The following PLXNA4 variants were observed in gnomAD, a reference collection of about 807,000 sequenced individuals.
PLXNA4 encodes plexin-A4.
Under a neutral mutation model 191.8 loss-of-function variants are expected in PLXNA4, and 44 were observed. That is an observed-to-expected ratio of 0.23 (90% CI 0.18 to 0.29). The LOEUF (loss-of-function observed/expected upper bound fraction) is 0.29, where lower values mean the gene tolerates loss of function less well. Ranked by LOEUF, PLXNA4 falls within the 10% of genes least tolerant of loss-of-function variation. The pLI, the probability that PLXNA4 is intolerant of heterozygous loss-of-function variation, is 1.00. For synonymous variants in PLXNA4, 1,082 were observed against 1,009.5 expected, an observed-to-expected ratio of 1.07 and a Z score of -1.36; for missense variants, 1,800 against 2,488.8, an observed-to-expected ratio of 0.72 and a Z score of 5.89.
intron 1 of PLXNA4, among the ~76,000 whole-genome samples, chr7:132,509,795 C>T (rs1798635290): frequency 6.6e-6 from 1 of 152,166 alleles, no homozygotes; most frequent in Non-Finnish European, 1.5e-5. Context: ...TGTGCCTCCT[C>T]TGCTGGATGA....
chr7:132,616,732 C>T (rs1563195859), intron 2 of PLXNA4, among the ~76,000 whole-genome samples: 1 of 152,270 alleles, frequency 6.6e-6, no homozygotes, highest in East Asian at 1.9e-4. Context: ...TTCCTGCGCC[C>T]AGTGGATCCT....
chr7:132,474,138 C>T (rs774817158), intron 3 of PLXNA4, among the ~76,000 whole-genome samples: 2 of 151,606 alleles, frequency 1.3e-5, no homozygotes, highest in South Asian at 4.2e-4. Flanking sequence ...AATGCAAAGG[C>T]AGCATTAGCA....
chr7:132,192,469 AAAGG>A (rs1412214034), intron 14 of PLXNA4, among the ~76,000 whole-genome samples: 1 of 151,412 alleles, frequency 6.6e-6, no homozygotes, highest in Non-Finnish European at 1.5e-5. Flanking sequence ...AAAGAGGAAG[AAAGG>A]AAGGGAGGGA....
At position 132,370,067 on chromosome 7, in the gene PLXNA4, C is replaced by CA. The variant is rs368638967; in HGVS notation, c.1372-71846dup. The stretch of plus-strand genomic sequence containing the variant: ...TGAGCGACAGAGTGAGACTCTGACT[C>CA]AAAAAAAAAAAAAAAAAAGGTATGC... On this transcript the variant is annotated intron_variant, in intron 3 of 31. Coordinates refer to ENST00000321063, the MANE Select transcript of PLXNA4 (RefSeq NM_020911.2). Among the ~76,000 whole-genome samples the CA allele has an allele frequency of 0.022, 2,387 of 110,952 alleles. 137 individuals carry two copies. The East Asian group carries it at 0.23, about 11-fold the overall frequency. 72.8% of individuals were successfully genotyped at this position (110,952 alleles called of 152,430 possible). A position where few individuals can be genotyped will look rare whatever the true frequency, so the allele number is the denominator to read the frequency against.
intron 4 of PLXNA4, among the ~76,000 whole-genome samples, chr7:132,263,058 G>A (rs7776974): frequency 0.43 from 64,793 of 151,868 alleles, 14,434 homozygotes; most frequent in African/African-American, 0.54. Context: ...TGTTGTCTGG[G>A]CCCCTGAGCC....
chr7:132,304,795 T>TC (rs1289092409), intron 3 of PLXNA4, among the ~76,000 whole-genome samples: 1 of 120,398 alleles, frequency 8.3e-6, no homozygotes, highest in Non-Finnish European at 1.7e-5. Flanking sequence ...CGGCCCTCCC[T>TC]CCCCCCTGTC....
At chr7:132,581,768 G>A (rs941147076), upstream of PLXNA4, among the ~76,000 whole-genome samples, 1 of 152,046 alleles carries the variant, frequency 6.6e-6, no homozygotes, top group Non-Finnish European at 1.5e-5. Flanking sequence ...GATCCTCTGG[G>A]CACCAAAATA....
chr7:132,489,899 T>C (rs1342525451), intron 2 of PLXNA4, among the ~76,000 whole-genome samples: 1 of 152,196 alleles, frequency 6.6e-6, no homozygotes, highest in African/African-American at 2.4e-5. Flanking sequence ...TCCGTATCTA[T>C]ACACAAAGAG....
intron 2 of PLXNA4, among the ~76,000 whole-genome samples, chr7:132,635,647 C>G (rs904315774): frequency 6.6e-6 from 1 of 152,168 alleles, no homozygotes; most frequent in African/African-American, 2.4e-5. Flanking sequence ...TCTGACCCCA[C>G]TGCCCTGCAC....
chr7:132,177,274 A>G (rs571350427), intron 20 of PLXNA4, among the ~76,000 whole-genome samples: 6 of 152,272 alleles, frequency 3.9e-5, no homozygotes, highest in East Asian at 3.9e-4. Context: ...AGTGTTTGTA[A>G]ATACACGGGT....
intron 3 of PLXNA4, among the ~76,000 whole-genome samples, chr7:132,424,917 C>T (rs969093178): frequency 2.6e-5 from 4 of 152,254 alleles, no homozygotes; most frequent in Admixed American, 6.5e-5. Context: ...CCAGCTCACC[C>T]ATCCTCCCAG....
chr7:132,441,263 G>A (rs1284434852), intron 3 of PLXNA4, among the ~76,000 whole-genome samples: 1 of 152,196 alleles, frequency 6.6e-6, no homozygotes, highest in Non-Finnish European at 1.5e-5. Context: ...CGATGGGTAG[G>A]TGATTTTTAA....
chr7:132,440,512 A>G (rs277490), intron 3 of PLXNA4, among the ~76,000 whole-genome samples: 3,185 of 152,284 alleles, frequency 0.021, 110 homozygotes, highest in African/African-American at 0.073. Context: ...AGATCCAACT[A>G]TATCAGAAAA....
At chr7:132,175,241 T>C (rs1796419059) in intron 20 of PLXNA4, among the ~76,000 whole-genome samples, 1 of 152,072 alleles carries the variant, frequency 6.6e-6, no homozygotes, top group African/African-American at 2.4e-5. Flanking sequence ...CATCTGAAGA[T>C]GAAGGGCTTT....
In PLXNA4 at chr7:132,187,520, C is replaced by T; in HGVS notation, c.2944G>A (p.Gly982Arg). ...CCAAACATCACCACCACGTTGCTTC[C>T]GGCATTCAGGTTGGTGCCTGTGATG... is the stretch of plus-strand genomic sequence containing the variant. The part of the protein sequence containing the change: ...VTITGTNLNA[G>R]SNVVVMFGKQ... Residue 982 changes from glycine (G) to arginine (R), a missense_variant, in exon 15 of 32, where the codon GGA (glycine) becomes AGA (arginine). Gly to Arg is a moderately radical substitution (Grantham distance 125, BLOSUM62 -2). Transcript: ENST00000321063. 4 of 1,614,092 alleles carry T rather than the reference C, an allele frequency of 2.5e-6. No homozygotes were observed. Among genetic ancestry groups the T allele is most frequent in the Non-Finnish European group, 3.4e-6 (4 of 1,179,978 alleles).
At chr7:132,548,814 A>G (rs1800424509) in intron 1 of PLXNA4, among the ~76,000 whole-genome samples, 2 of 152,154 alleles carry the variant, frequency 1.3e-5, no homozygotes, top group South Asian at 4.1e-4. Flanking sequence ...GGTCATAAAG[A>G]CCTTGCTGAT....
At chr7:132,154,371 A>G (rs1445083330) in intron 25 of PLXNA4, among the ~76,000 whole-genome samples, 1 of 151,112 alleles carries the variant, frequency 6.6e-6, no homozygotes, top group Non-Finnish European at 1.5e-5. Flanking sequence ...AAGGTCAGAA[A>G]ATTCACCTGG....
chr7:132,238,815 G>A (rs372666673), intron 5 of PLXNA4, among the ~76,000 whole-genome samples: 13 of 139,244 alleles, frequency 9.3e-5, no homozygotes, highest in Admixed American at 4.2e-4. Flanking sequence ...AGTCACAAGA[G>A]GGGGGGGGGC....
chr7:132,136,559 G>A (rs560230666), intron 30 of PLXNA4, among the ~76,000 whole-genome samples: 1 of 152,296 alleles, frequency 6.6e-6, no homozygotes, highest in South Asian at 2.1e-4. Flanking sequence ...TCTGGGAGCA[G>A]CCATAAAGAT....
Sources: allele counts gnomAD v4.1 joint callset (sites outside exome capture counted in the v4.1 genomes callset), GRCh38; gene constraint gnomAD v4.1.1; transcripts MANE v1.5; gene names NCBI Gene and HGNC (gene_info 2026-07-23, HGNC 2026-07-21).